STX7: variants seen among roughly 807,000 people sequenced by gnomAD.
STX7 encodes syntaxin-7.
A neutral mutation model predicts 39.6 loss-of-function variants in STX7; 34 were observed. The observed-to-expected ratio is 0.86, with a 90% CI of 0.65 to 1.14. The LOEUF (loss-of-function observed/expected upper bound fraction) is 1.14, where lower values mean the gene tolerates loss of function less well. Among genes scored for constraint, STX7 ranks in the 50% most tolerant of loss-of-function variants. STX7 has a pLI of 0.00. For missense variants in STX7, 284 were observed against 310.4 expected (o/e 0.92, Z 0.64); for synonymous variants, 119 against 99.1 (o/e 1.20, Z -1.19).
At position 132,457,542 on chromosome 6, in the gene STX7, C is replaced by G. The variant is rs575189725; in HGVS notation, c.*3216G>C. 1.3e-5 allele frequency: 2 copies of G among 152,272 alleles called. No homozygotes were observed. Among genetic ancestry groups the G allele is most frequent in the Admixed American group, 1.3e-4 (2 of 15,292 alleles). The allele number at this position is 152,272 out of a possible 1,614,324, so 9.4% of individuals were successfully genotyped here. On this transcript the variant is annotated 3_prime_UTR_variant, in exon 10 of 10. Transcript: ENST00000367941. ...CAGTACACTGTAACACTTTCAGGCTCCCATTGGTTTAAAATTTGATAAGTG... is the reference window on the plus strand; with the variant it reads ...CAGTACACTGTAACACTTTCAGGCTGCCATTGGTTTAAAATTTGATAAGTG...
intron 3 of STX7, among the ~76,000 whole-genome samples, chr6:132,473,692 G>T (rs1283544840): frequency 6.6e-6 from 1 of 151,574 alleles, no homozygotes; most frequent in African/African-American, 2.4e-5. Flanking sequence ...TATTAATTGT[G>T]ATGTTTTACA....
intron 3 of STX7, 34 bp downstream of exon 3, chr6:132,475,559 T>A: frequency 6.8e-7 from 1 of 1,470,752 alleles, no homozygotes; most frequent in Non-Finnish European, 9.3e-7. Flanking sequence ...TAGAGTTTTT[T>A]CTTTCTCTTT....
intron 1 of STX7, among the ~76,000 whole-genome samples, chr6:132,506,352 C>A (rs970956316): frequency 2.5e-4 from 38 of 152,124 alleles, no homozygotes; most frequent in African/African-American, 8.4e-4. Flanking sequence ...AACTACACAT[C>A]CAACGAGATT....
intron 2 of STX7, among the ~76,000 whole-genome samples, chr6:132,499,817 T>C (rs1285947594): frequency 1.3e-5 from 2 of 152,240 alleles, no homozygotes; most frequent in African/African-American, 4.8e-5. Context: ...AAAGTAGATG[T>C]TTGATATCTC....
chr6:132,452,025 T>TA lies in STX7; in HGVS notation c.*8732dup, dbSNP rs1774145540. Reference sequence around the variant, plus strand: ...TTAGCCAAAAGAATTAAGCTATATATACAAAGATACACCACGACCAAGTGG... The same window carrying TA: ...TTAGCCAAAAGAATTAAGCTATATATAACAAAGATACACCACGACCAAGTGG... On this transcript the variant is annotated 3_prime_UTR_variant, in exon 10 of 10. Transcript: ENST00000367941. 1 of 152,166 alleles carries TA rather than the reference T, an allele frequency of 6.6e-6. No homozygotes were observed. The highest frequency in any genetic ancestry group is 1.5e-5 in the Non-Finnish European group (1 of 68,018). The allele number at this position is 152,166 out of a possible 1,614,324, so 9.4% of individuals were successfully genotyped here. A position where few individuals can be genotyped will look rare whatever the true frequency, so the allele number is the denominator to read the frequency against.
At chr6:132,512,427 AT>A (rs938320324) in intron 1 of STX7, among the ~76,000 whole-genome samples, 5 of 152,202 alleles carry the variant, frequency 3.3e-5, no homozygotes, top group African/African-American at 1.2e-4. Context: ...TTTTATGTAA[AT>A]TAATTAAAGG....
chr6:132,470,965 T>C (rs1311112551), intron 5 of STX7, among the ~76,000 whole-genome samples: 1 of 152,220 alleles, frequency 6.6e-6, no homozygotes, highest in Non-Finnish European at 1.5e-5. Context: ...TAACTCATGA[T>C]AGTTTCTAAG....
intron 2 of STX7, among the ~76,000 whole-genome samples, chr6:132,494,223 A>G (rs1289726280): frequency 6.6e-6 from 1 of 151,692 alleles, no homozygotes; most frequent in Non-Finnish European, 1.5e-5. Flanking sequence ...GTAAGCAACC[A>G]ATAACAAGAG....
Position 132,449,027 on chromosome 6 carries a change from T to G in STX7, c.*11731A>C, listed in dbSNP as rs1272225416. ...TGTATATGTGGATCCACTTTTTTTT[T>G]TTTTAGACAGGGTACAGTGGCACCA... On this transcript the variant is annotated 3_prime_UTR_variant, in exon 10 of 10. Coordinates refer to ENST00000367941, the MANE Select transcript of STX7 (RefSeq NM_003569.3). 2.6e-5 allele frequency: 4 copies of G among 151,876 alleles called. No homozygotes were observed. The highest frequency in any genetic ancestry group is 4.8e-5 in the African/African-American group (2 of 41,304). 9.4% of individuals were successfully genotyped at this position (151,876 alleles called of 1,614,324 possible). A position where few individuals can be genotyped will look rare whatever the true frequency, so the allele number is the denominator to read the frequency against.
intron 2 of STX7, among the ~76,000 whole-genome samples, chr6:132,500,415 G>T (rs1775529550): frequency 6.6e-6 from 1 of 152,112 alleles, no homozygotes; most frequent in African/African-American, 2.4e-5. Flanking sequence ...GCCCAGGTCT[G>T]CTTTTGAATT....
At chr6:132,461,812 T>C in intron 9 of STX7, 2 of 1,526,430 alleles carry the variant, frequency 1.3e-6, no homozygotes, top group South Asian at 1.3e-5. Flanking sequence ...CAGTTGTAGA[T>C]TTCTTTAATG....
chr6:132,462,705 GACATGGACAAAGATAATAA>G (rs1276261827), intron 9 of STX7, among the ~76,000 whole-genome samples: 1 of 151,842 alleles, frequency 6.6e-6, no homozygotes, highest in Non-Finnish European at 1.5e-5. Flanking sequence ...ATATCTGAAT[GACATGGACAAAGATAATAA>G]ACAGGAGTGA....
chr6:132,480,420 T>C (rs1386799008), intron 2 of STX7, among the ~76,000 whole-genome samples: 3 of 152,168 alleles, frequency 2.0e-5, no homozygotes, highest in Non-Finnish European at 4.4e-5. Flanking sequence ...CAGGTCGAAG[T>C]AAAGTCCAAT....
At position 132,459,525 on chromosome 6, in the gene STX7, C is replaced by A. The variant is rs1774334172; in HGVS notation, c.*1233G>T. ...AGGCCTAACCAGATACCTTTTAACT[C>A]ATCTTTATTTTGGTTGCAAAGATGT... On this transcript the variant is annotated 3_prime_UTR_variant, in exon 10 of 10. Coordinates refer to ENST00000367941, the MANE Select transcript of STX7 (RefSeq NM_003569.3). 6.6e-6 allele frequency: 1 copy of A among 152,184 alleles called. No homozygotes were observed. Among genetic ancestry groups the A allele is most frequent in the Admixed American group, 6.6e-5 (1 of 15,262 alleles). 9.4% of individuals were successfully genotyped at this position (152,184 alleles called of 1,614,324 possible).
intron 8 of STX7, among the ~76,000 whole-genome samples, chr6:132,464,926 C>T (rs1245415724): frequency 1.3e-5 from 2 of 152,168 alleles, no homozygotes; most frequent in African/African-American, 4.8e-5. Context: ...AGACCCTTTG[C>T]CCTTGTCTCT....
Position 132,447,231 on chromosome 6 carries a change from G to A in STX7, c.*13527C>T, listed in dbSNP as rs577694336. ...AGTTAGACTCACTAGACATTGATTA[G>A]CTGACTGACATAGAGCGTTTCTTAT... is the stretch of plus-strand genomic sequence containing the variant. On this transcript the variant is annotated 3_prime_UTR_variant, in exon 10 of 10. Coordinates refer to ENST00000367941, the MANE Select transcript of STX7 (RefSeq NM_003569.3). The A allele has an allele frequency of 5.3e-5, 8 of 152,266 alleles. No homozygotes were observed. The highest frequency in any genetic ancestry group is 3.3e-4 in the Admixed American group (5 of 15,284). 9.4% of individuals were successfully genotyped at this position (152,266 alleles called of 1,614,324 possible). A position where few individuals can be genotyped will look rare whatever the true frequency, so the allele number is the denominator to read the frequency against.
intron 1 of STX7, among the ~76,000 whole-genome samples, chr6:132,508,050 C>T (rs1775751884): frequency 6.6e-6 from 1 of 152,208 alleles, no homozygotes; most frequent in Admixed American, 6.5e-5. Flanking sequence ...TTTGGGCCCA[C>T]TGCCAGAATC....
At chr6:132,462,244 G>A (rs936051975) in intron 9 of STX7, among the ~76,000 whole-genome samples, 7 of 152,178 alleles carry the variant, frequency 4.6e-5, no homozygotes, top group Non-Finnish European at 1.0e-4. Flanking sequence ...TATTCTTAGG[G>A]TTCACCCAAA....
Position 132,502,108 on chromosome 6 carries a change from G to A in STX7, c.85+1338C>T, listed in dbSNP as rs1333768469. The stretch of plus-strand genomic sequence containing the variant: ...CAGAAATCACCCCAAATCAGAATAA[G>A]GGTTATTTTATACCACTGTGCACAG... On this transcript the variant is annotated intron_variant, in intron 2 of 9. Transcript: ENST00000367941. Among the ~76,000 whole-genome samples, 23 of 152,112 alleles carry A rather than the reference G, an allele frequency of 1.5e-4. 1 individual carries two copies. Among genetic ancestry groups the A allele is most frequent in the East Asian group, 1.9e-4 (1 of 5,200 alleles).
Sources: allele counts gnomAD v4.1 joint callset (sites outside exome capture counted in the v4.1 genomes callset), GRCh38; gene constraint gnomAD v4.1.1; transcripts MANE v1.5; gene names NCBI Gene and HGNC (gene_info 2026-07-23, HGNC 2026-07-21).